ZNF678: variants seen among roughly 807,000 people sequenced by gnomAD.
ZNF678 encodes the protein hypothetical protein MGC42493.
Under a neutral mutation model 3.0 loss-of-function variants are expected in ZNF678, and 5 were observed. The ratio of observed to expected loss-of-function variants is 1.69; its 90% CI spans 0.88 to 3.56. The LOEUF (loss-of-function observed/expected upper bound fraction) is 3.56. Among genes scored for constraint, ZNF678 ranks in the 30% most tolerant of loss-of-function variants. The pLI is 0.00. For synonymous variants in ZNF678, 218 were observed against 199.6 expected, an observed-to-expected ratio of 1.09 and a Z score of -0.78; for missense variants, 593 against 605.0, an observed-to-expected ratio of 0.98 and a Z score of 0.21.
At chr1:227,578,897 C>A (rs896364237) in intron 1 of ZNF678, among the ~76,000 whole-genome samples, 1 of 152,154 alleles carries the variant, frequency 6.6e-6, no homozygotes, top group Non-Finnish European at 1.5e-5. Context: ...TTTGAGGTAG[C>A]TGGCCTTTGG....
chr1:227,651,142 G>T, intron 3 of ZNF678, 66 bp downstream of exon 3: 1 of 1,561,162 alleles, frequency 6.4e-7, no homozygotes, highest in South Asian at 1.2e-5. Flanking sequence ...AGTAGAGAGG[G>T]GATATACCTG....
intron 1 of ZNF678, among the ~76,000 whole-genome samples, chr1:227,593,864 C>G (rs56390726): frequency 0.18 from 23,253 of 129,840 alleles, 2,377 homozygotes; most frequent in East Asian, 0.32. Flanking sequence ...ATCCCCCCCC[C>G]CCCTTTTTTT....
chr1:227,580,845 G>A (rs1421495630), intron 1 of ZNF678, among the ~76,000 whole-genome samples: 2 of 151,764 alleles, frequency 1.3e-5, no homozygotes, highest in East Asian at 3.9e-4. Context: ...CAGGAGAATT[G>A]CTTGAACTTG....
chr1:227,636,287 C>T (rs1437503792), intron 1 of ZNF678, among the ~76,000 whole-genome samples: 10 of 152,146 alleles, frequency 6.6e-5, no homozygotes, highest in Admixed American at 2.0e-4. Flanking sequence ...ATGTTTGAAG[C>T]GATTTCTAGA....
intron 1 of ZNF678, among the ~76,000 whole-genome samples, chr1:227,637,433 G>A (rs1658707329): frequency 6.6e-6 from 1 of 152,186 alleles, no homozygotes; most frequent in Non-Finnish European, 1.5e-5. Context: ...TCAAGGGTGA[G>A]GACAGCAGCT....
chr1:227,614,185 A>G (rs1407924674), intron 1 of ZNF678, among the ~76,000 whole-genome samples: 1 of 152,216 alleles, frequency 6.6e-6, no homozygotes, highest in Non-Finnish European at 1.5e-5. Flanking sequence ...TGTCAGCCCC[A>G]CACTTGATTG....
At chr1:227,619,585 C>T (rs982360176) in intron 1 of ZNF678, among the ~76,000 whole-genome samples, 1 of 151,484 alleles carries the variant, frequency 6.6e-6, no homozygotes, top group African/African-American at 2.4e-5. Context: ...GATCTCGGCT[C>T]ACTGCAAGCT....
chr1:227,618,846 A>C (rs1658204824), intron 1 of ZNF678, among the ~76,000 whole-genome samples: 2 of 152,162 alleles, frequency 1.3e-5, no homozygotes, highest in Non-Finnish European at 2.9e-5. Flanking sequence ...TTGTTCTCAC[A>C]CTGCTATAAA....
At chr1:227,566,830 G>A (rs1656700978) in intron 1 of ZNF678, among the ~76,000 whole-genome samples, 1 of 152,190 alleles carries the variant, frequency 6.6e-6, no homozygotes, top group Non-Finnish European at 1.5e-5. Flanking sequence ...CTTCATCAGA[G>A]TGAGTGTAGT....
At chr1:227,635,804 C>G (rs1026256509) in intron 1 of ZNF678, among the ~76,000 whole-genome samples, 1 of 152,084 alleles carries the variant, frequency 6.6e-6, no homozygotes, top group Non-Finnish European at 1.5e-5. Context: ...GCTGCTGGTG[C>G]AGGTAGCCTT....
intron 1 of ZNF678, among the ~76,000 whole-genome samples, chr1:227,630,524 C>T (rs1207133495): frequency 6.6e-6 from 1 of 152,204 alleles, no homozygotes; most frequent in African/African-American, 2.4e-5. Context: ...TTATATCTCT[C>T]CATGTCAGAT....
intron 5 of ZNF678, among the ~76,000 whole-genome samples, chr1:227,673,097 A>G (rs957775789): frequency 1.3e-5 from 2 of 152,176 alleles, no homozygotes; most frequent in East Asian, 1.9e-4. Flanking sequence ...CTCAGGTTCA[A>G]CACCACACTA....
intron 1 of ZNF678, among the ~76,000 whole-genome samples, chr1:227,573,693 T>TTGTTACCTATGTAA (rs763278331): frequency 1.0e-5 from 1 of 96,088 alleles, no homozygotes; most frequent in African/African-American, 5.2e-5. Context: ...ACTTTTAAGT[T>TTGTTACCTATGTAA]CAGGGGTACA....
chr1:227,604,946 C>T (rs563860333), intron 1 of ZNF678, among the ~76,000 whole-genome samples: 1 of 152,242 alleles, frequency 6.6e-6, no homozygotes, highest in South Asian at 2.1e-4. Context: ...AGCTCCGCCT[C>T]CCAGGTTCAT....
chr1:227,591,982 T>A (rs1445614048), intron 1 of ZNF678, among the ~76,000 whole-genome samples: 2 of 152,138 alleles, frequency 1.3e-5, no homozygotes, highest in East Asian at 3.9e-4. Context: ...GAGGAGGGCT[T>A]GTCTTCTTCA....
At chr1:227,576,032 G>A (rs116151210) in intron 1 of ZNF678, among the ~76,000 whole-genome samples, 145 of 152,236 alleles carry the variant, frequency 9.5e-4, no homozygotes, top group African/African-American at 3.4e-3. Flanking sequence ...TTCTGTTTAT[G>A]TGATAGATCA....
chr1:227,587,992 C>A (rs993200418), intron 1 of ZNF678, among the ~76,000 whole-genome samples: 1 of 152,074 alleles, frequency 6.6e-6, no homozygotes, highest in Non-Finnish European at 1.5e-5. Flanking sequence ...TCCCCCCAGC[C>A]CCCCAACAGG....
Position 227,675,128 on chromosome 1 carries a change from C to T in ZNF678, c.227-2051C>T, listed in dbSNP as rs1425102120. Among the ~76,000 whole-genome samples, 5 of 152,018 alleles carry T rather than the reference C, an allele frequency of 3.3e-5. No homozygotes were observed. In the East Asian group the frequency reaches 5.8e-4, roughly 18 times the overall value. ...CTGAAGTGTAACAATATTTGGATAT[C>T]GGGCCTTTGGGAGATAATAAGGTTT... On this transcript the variant is annotated intron_variant, in intron 5 of 5. Coordinates refer to the ZNF678 transcript ENST00000608949.
intron 1 of ZNF678, among the ~76,000 whole-genome samples, chr1:227,626,011 G>A (rs1032321116): frequency 6.6e-5 from 10 of 152,172 alleles, no homozygotes; most frequent in Admixed American, 3.3e-4. Context: ...ACTCCTATAC[G>A]ATGGGGCATC....
Sources: allele counts gnomAD v4.1 joint callset (sites outside exome capture counted in the v4.1 genomes callset), GRCh38; gene constraint gnomAD v4.1.1; transcripts MANE v1.5; gene names NCBI Gene and HGNC (gene_info 2026-07-23, HGNC 2026-07-21).